Variants in ELF2 observed in about 807,000 individuals in gnomAD.
The protein encoded by ELF2 is ETS-related transcription factor Elf-2.
In ELF2, 11 loss-of-function variants were observed where a neutral mutation model predicts 54.8. The observed-to-expected ratio is 0.20, with a 90% CI of 0.13 to 0.33. ELF2 has a LOEUF of 0.33. Among genes scored for constraint, ELF2 ranks in the 10% least tolerant of loss-of-function variants. ELF2 has a pLI of 1.00. For synonymous variants in ELF2, 203 were observed against 245.1 expected (o/e 0.83, Z 1.61); for missense variants, 513 against 703.0 (o/e 0.73, Z 3.06).
rs150237539 is a variant in ELF2, at chr4:139,162,434, G to A, written c.-252+14533C>T. Among the ~76,000 whole-genome samples, 73 of 151,868 alleles carry A rather than the reference G, an allele frequency of 4.8e-4. 1 individual carries two copies. The highest frequency in any genetic ancestry group is 1.4e-3 in the African/African-American group (60 of 41,394). ...TAATCCCAGCTACTCCGGAGGTTGA[G>A]GAAGGAGAACTGCTTGAACCCGGGA... On this transcript the variant is annotated intron_variant, in intron 1 of 9. Coordinates refer to ENST00000686138, the MANE Select transcript of ELF2 (RefSeq NM_001331036.3).
chr4:139,173,426 G>A (rs895762974), intron 1 of ELF2, among the ~76,000 whole-genome samples: 2 of 152,028 alleles, frequency 1.3e-5, no homozygotes, highest in Non-Finnish European at 2.9e-5. Flanking sequence ...TAAATAAAAT[G>A]TAATATGTCC....
chr4:139,142,923 T>A (rs1055226188), intron 1 of ELF2, among the ~76,000 whole-genome samples: 1 of 151,750 alleles, frequency 6.6e-6, no homozygotes, highest in Non-Finnish European at 1.5e-5. Context: ...AAGGATGACA[T>A]TTGCAAGCAA....
At chr4:139,082,318 CA>C (rs1490856983) in intron 4 of ELF2, among the ~76,000 whole-genome samples, 1 of 152,092 alleles carries the variant, frequency 6.6e-6, no homozygotes, top group East Asian at 1.9e-4. Context: ...AATATAAAGC[CA>C]AAAATTCCAT....
chr4:139,151,839 TTC>T (rs1331962323), intron 1 of ELF2, among the ~76,000 whole-genome samples: 1 of 152,236 alleles, frequency 6.6e-6, no homozygotes, highest in Non-Finnish European at 1.5e-5. Context: ...CTTTGACAAA[TTC>T]TCTTTTTATA....
intron 1 of ELF2, among the ~76,000 whole-genome samples, chr4:139,162,343 C>T (rs573916147): frequency 4.6e-4 from 70 of 152,120 alleles, no homozygotes; most frequent in African/African-American, 1.6e-3. Context: ...ACCAGCCTGG[C>T]CAACACGGTG....
chr4:139,076,509 C>T (rs183361557), intron 4 of ELF2, among the ~76,000 whole-genome samples: 2 of 151,730 alleles, frequency 1.3e-5, no homozygotes, highest in East Asian at 3.9e-4. Context: ...TTAAAGTCTG[C>T]TTGTGTTGCA....
intron 1 of ELF2, among the ~76,000 whole-genome samples, chr4:139,150,355 A>C (rs1042149300): frequency 2.6e-5 from 4 of 151,372 alleles, no homozygotes; most frequent in Non-Finnish European, 4.4e-5. Flanking sequence ...CAACAACAGC[A>C]AAACTGCATC....
intron 4 of ELF2, among the ~76,000 whole-genome samples, chr4:139,091,427 T>C (rs1468195595): frequency 6.6e-6 from 1 of 152,068 alleles, no homozygotes; most frequent in Non-Finnish European, 1.5e-5. Context: ...AAAAGCAACA[T>C]AGCAAACCTA....
intron 4 of ELF2, among the ~76,000 whole-genome samples, chr4:139,112,729 T>C (rs781091136): frequency 3.3e-5 from 5 of 152,132 alleles, no homozygotes; most frequent in Non-Finnish European, 7.4e-5. Context: ...TTAGTATTTA[T>C]TGATCATTCT....
intron 1 of ELF2, among the ~76,000 whole-genome samples, chr4:139,149,771 T>C (rs1055410196): frequency 2.0e-5 from 3 of 152,202 alleles, no homozygotes; most frequent in East Asian, 1.9e-4. Flanking sequence ...GCAAATACCA[T>C]GTTCATAGGT....
intron 4 of ELF2, among the ~76,000 whole-genome samples, chr4:139,108,404 GAACATTTTATTAAT>G (rs905217068): frequency 1.3e-5 from 2 of 152,034 alleles, no homozygotes; most frequent in African/African-American, 4.8e-5. Context: ...TGGAAATTCA[GAACATTTTATTAAT>G]AACTATGTTA....
At chr4:139,109,973 C>T (rs1378348225) in intron 4 of ELF2, among the ~76,000 whole-genome samples, 1 of 152,066 alleles carries the variant, frequency 6.6e-6, no homozygotes, top group Non-Finnish European at 1.5e-5. Context: ...ACATGTACCC[C>T]CTGAATCTAA....
chr4:139,171,338 C>A (rs1742290418), intron 1 of ELF2, among the ~76,000 whole-genome samples: 1 of 152,040 alleles, frequency 6.6e-6, no homozygotes, highest in Non-Finnish European at 1.5e-5. Flanking sequence ...GAGGTCAAGG[C>A]TACAGTGAGC....
intron 4 of ELF2, among the ~76,000 whole-genome samples, chr4:139,120,257 TTA>T (rs139171581): frequency 0.092 from 14,046 of 152,184 alleles, 899 homozygotes; most frequent in African/African-American, 0.18. Flanking sequence ...GCCTCTCCCC[TTA>T]TATGTCATGT....
intron 1 of ELF2, among the ~76,000 whole-genome samples, chr4:139,163,869 G>A (rs1741417632): frequency 1.3e-5 from 2 of 151,750 alleles, no homozygotes; most frequent in South Asian, 2.1e-4. Flanking sequence ...AGGTATGATC[G>A]CAGTGGAGAC....
At chr4:139,166,731 G>A (rs1741765392) in intron 1 of ELF2, among the ~76,000 whole-genome samples, 1 of 151,902 alleles carries the variant, frequency 6.6e-6, no homozygotes, top group Non-Finnish European at 1.5e-5. Flanking sequence ...AGCTGGGCGT[G>A]GTGGTGGGCA....
chr4:139,060,529 T>G lies in ELF2; in HGVS notation c.952A>C (p.Lys318Gln). 2.5e-6 allele frequency: 4 copies of G among 1,614,224 alleles called. No individual in the cohort carries two copies. The highest frequency in any genetic ancestry group is 3.4e-6 in the Non-Finnish European group (4 of 1,180,042). ...NEDLAGTTDE[K>Q]SLERVSLSAE... is the part of the protein sequence containing the mutation. ...GACAGTGACACTCGTTCTAATGATT[T>G]TTCATCAGTAGTTCCTGCTAAATCT... The change falls in exon 9 of 10, where the codon AAA becomes CAA. Residue 318 changes from lysine (K) to glutamine (Q), a missense_variant. By Grantham distance (53) the Lys-to-Gln change is moderately conservative. Transcript: ENST00000686138.
rs538033221 is a variant in ELF2 at position 139,102,549 on chromosome 4, AG to A, written c.238+22614del. Among the ~76,000 whole-genome samples, 20 of 136,790 alleles carry A rather than the reference AG, an allele frequency of 1.5e-4. No homozygotes were observed. The South Asian group carries it at 4.3e-3, about 29-fold the overall frequency. 89.7% of individuals were successfully genotyped at this position (136,790 alleles called of 152,430 possible). ...AGGGAGACTCCGTCTCAAAAAAAAAAGGAAGTATCGGCCGGGCATGCTGGCT... is the reference window on the plus strand; with the variant it reads ...AGGGAGACTCCGTCTCAAAAAAAAAAGAAGTATCGGCCGGGCATGCTGGCT... On this transcript the variant is annotated intron_variant, in intron 4 of 9. Transcript: ENST00000686138.
intron 4 of ELF2, among the ~76,000 whole-genome samples, chr4:139,100,828 T>A (rs1733806260): frequency 6.6e-6 from 1 of 152,180 alleles, no homozygotes; most frequent in Non-Finnish European, 1.5e-5. Flanking sequence ...ATATTTTAAA[T>A]CACTTTGGCT....
Sources: gnomAD v4.1 joint callset for allele counts (sites outside exome capture counted in the v4.1 genomes callset) on GRCh38, gnomAD v4.1.1 for gene constraint, MANE v1.5 for transcripts, NCBI Gene and HGNC (gene_info 2026-07-23, HGNC 2026-07-21) for gene names.